Variants in FSHR observed in about 807,000 individuals in gnomAD.
FSHR encodes the protein follicle stimulating hormone receptor.
In FSHR, 46 loss-of-function variants were observed where a neutral mutation model predicts 52.1. That is an observed-to-expected ratio of 0.88 (90% CI 0.70 to 1.13). FSHR has a LOEUF of 1.13. Ranked by LOEUF, FSHR falls within the 50% of genes most tolerant of loss-of-function variation. FSHR has a pLI of 0.00. For synonymous variants in FSHR, 399 were observed against 309.6 expected, an observed-to-expected ratio of 1.29 and a Z score of -3.03; for missense variants, 964 against 834.6, an observed-to-expected ratio of 1.16 and a Z score of -1.91.
intron 2 of FSHR, among the ~76,000 whole-genome samples, chr2:49,038,630 AATAATAATAATAATAATAAT>A (rs1668373905): frequency 4.2e-5 from 2 of 47,960 alleles, no homozygotes; most frequent in African/African-American, 9.3e-5. Flanking sequence ...GTCTCAAAAT[AATAATAATAATAATAATAAT>A]AATAATAATA....
intron 2 of FSHR, among the ~76,000 whole-genome samples, chr2:49,036,390 T>C (rs1477395996): frequency 6.6e-6 from 1 of 151,944 alleles, no homozygotes; most frequent in African/African-American, 2.4e-5. Flanking sequence ...TAAACATTGT[T>C]ATATATAAAT....
At chr2:49,108,028 A>G (rs72822041) in intron 1 of FSHR, among the ~76,000 whole-genome samples, 10,043 of 152,200 alleles carry the variant, frequency 0.066, 575 homozygotes, top group East Asian at 0.24. Context: ...GGATAAGACT[A>G]ACATTGGACT....
intron 4 of FSHR, chr2:48,997,127 T>C (rs907235034): frequency 4.5e-6 from 3 of 670,144 alleles, no homozygotes; most frequent in Admixed American, 6.3e-5. Flanking sequence ...TTAGAGACCC[T>C]GGGTTCCAGT....
chr2:49,020,678 T>C (rs1667660702), intron 2 of FSHR, among the ~76,000 whole-genome samples: 1 of 152,146 alleles, frequency 6.6e-6, no homozygotes, highest in African/African-American at 2.4e-5. Context: ...AAAACAGGTG[T>C]CAGGCTGGAT....
intron 5 of FSHR, among the ~76,000 whole-genome samples, chr2:48,989,990 T>C (rs1675696767): frequency 6.6e-6 from 1 of 152,158 alleles, no homozygotes; most frequent in Non-Finnish European, 1.5e-5. Flanking sequence ...GCTTATCTCC[T>C]TCCTCTCTGC....
intron 1 of FSHR, among the ~76,000 whole-genome samples, chr2:49,087,070 G>GTTTTTTTTTTTT (rs56890721): frequency 1.2e-4 from 10 of 86,732 alleles, no homozygotes; most frequent in East Asian, 8.6e-4. Flanking sequence ...TGTGGGCAGG[G>GTTTTTTTTTTTT]TTTTTTTTTT....
In FSHR at chr2:48,962,711, A is replaced by C; in HGVS notation, c.*22T>G. ...AAGACTGAATTATCATTCAATACTC[A>C]GATACATTTTCACATTGTGTTTTAG... is the stretch of plus-strand genomic sequence containing the variant. On this transcript the variant is annotated 3_prime_UTR_variant, in exon 10 of 10. Transcript: ENST00000406846. The C allele has an allele frequency of 7.5e-6, 12 of 1,607,814 alleles. No homozygotes were observed. The highest frequency in any genetic ancestry group is 9.4e-6 in the Non-Finnish European group (11 of 1,174,250).
intron 2 of FSHR, among the ~76,000 whole-genome samples, chr2:49,060,738 G>T (rs1449237568): frequency 6.6e-6 from 1 of 152,130 alleles, no homozygotes; most frequent in African/African-American, 2.4e-5. Context: ...TTGCTTCCCT[G>T]GAGCCGGACT....
intron 1 of FSHR, among the ~76,000 whole-genome samples, chr2:49,108,500 A>G (rs1210042259): frequency 6.6e-6 from 1 of 152,104 alleles, no homozygotes; most frequent in Non-Finnish European, 1.5e-5. Context: ...TGGCCAACCA[A>G]GCTCAGCTTA....
chr2:48,988,226 G>A (rs1675606049), intron 6 of FSHR, among the ~76,000 whole-genome samples: 1 of 151,918 alleles, frequency 6.6e-6, no homozygotes, highest in African/African-American at 2.4e-5. Flanking sequence ...AACTCATACT[G>A]GTATATTTTT....
intron 1 of FSHR, among the ~76,000 whole-genome samples, chr2:49,124,295 G>A (rs1026094068): frequency 6.6e-6 from 1 of 151,644 alleles, no homozygotes; most frequent in Non-Finnish European, 1.5e-5. Flanking sequence ...ACACCCGGCC[G>A]AGTTTTCTTT....
chr2:49,048,271 AG>A (rs1668731519), intron 2 of FSHR, among the ~76,000 whole-genome samples: 2 of 149,774 alleles, frequency 1.3e-5, no homozygotes, highest in Non-Finnish European at 3.0e-5. Context: ...ATAAAAAAAA[AG>A]TAAAATAAAT....
chr2:49,105,063 C>T (rs1405652537), intron 1 of FSHR, among the ~76,000 whole-genome samples: 3 of 152,116 alleles, frequency 2.0e-5, no homozygotes, highest in Non-Finnish European at 4.4e-5. Flanking sequence ...CTCATACCAT[C>T]AATTCTGGAC....
At chr2:49,153,729 T>G (rs1299275524) in intron 1 of FSHR, among the ~76,000 whole-genome samples, 2 of 152,186 alleles carry the variant, frequency 1.3e-5, no homozygotes, top group East Asian at 3.9e-4. Flanking sequence ...TCTTTCTTTC[T>G]TTCTTCACAC....
intron 1 of FSHR, among the ~76,000 whole-genome samples, chr2:49,134,263 C>G (rs2103819186): frequency 6.6e-6 from 1 of 152,276 alleles, no homozygotes; most frequent in African/African-American, 2.4e-5. Flanking sequence ...AGGATATGAA[C>G]AGACACTTCT....
intron 4 of FSHR, among the ~76,000 whole-genome samples, chr2:49,003,834 T>A (rs1573078000): frequency 6.8e-6 from 1 of 147,298 alleles, no homozygotes; most frequent in African/African-American, 2.5e-5. Context: ...CTCTCCCTTC[T>A]CTCCATGTCC....
At chr2:49,124,386 A>G (rs955215442) in intron 1 of FSHR, among the ~76,000 whole-genome samples, 6 of 152,146 alleles carry the variant, frequency 3.9e-5, no homozygotes, top group African/African-American at 1.4e-4. Flanking sequence ...AAACAAAAAT[A>G]TAATTAATAT....
chr2:48,968,099 T>C (rs1159189345), intron 9 of FSHR, among the ~76,000 whole-genome samples: 1 of 152,226 alleles, frequency 6.6e-6, no homozygotes, highest in Non-Finnish European at 1.5e-5. Context: ...AGTTAGCTAC[T>C]AAGACTTGTC....
At chr2:49,015,016 T>C (rs1232783152) in intron 4 of FSHR, 2 of 400,760 alleles carry the variant, frequency 5.0e-6, no homozygotes, top group Non-Finnish European at 9.8e-6. Context: ...TAACAGGCAC[T>C]AATAATTTTA....
Sources: gnomAD v4.1 joint callset for allele counts (sites outside exome capture counted in the v4.1 genomes callset) on GRCh38, gnomAD v4.1.1 for gene constraint, MANE v1.5 for transcripts, NCBI Gene and HGNC (gene_info 2026-07-23, HGNC 2026-07-21) for gene names.